The following SHISA9 variants were observed in gnomAD, a reference collection of about 807,000 sequenced individuals.
The protein encoded by SHISA9 is protein shisa-9.
A neutral mutation model predicts 38.0 loss-of-function variants in SHISA9; 13 were observed. The ratio of observed to expected loss-of-function variants is 0.34; its 90% CI spans 0.22 to 0.54. The LOEUF (loss-of-function observed/expected upper bound fraction) is 0.54, where lower values mean the gene tolerates loss of function less well. SHISA9 is among the 20% of genes least tolerant of loss of function. The pLI is 0.91. For missense variants in SHISA9, 538 were observed against 575.8 expected (o/e 0.93, Z 0.67); for synonymous variants, 275 against 242.0 (o/e 1.14, Z -1.27).
At chr16:13,372,652 T>C in the SHISA9 span, among the ~76,000 whole-genome samples, 1 of 152,336 alleles carries the variant, frequency 6.6e-6, no homozygotes, top group African/African-American at 2.4e-5. Flanking sequence ...CAGTATTCAC[T>C]AAGTATTTCC....
the SHISA9 span, among the ~76,000 whole-genome samples, chr16:13,463,246 A>AC: frequency 4.6e-5 from 7 of 152,170 alleles, no homozygotes; most frequent in Non-Finnish European, 8.8e-5. Flanking sequence ...GCATGGCATG[A>AC]CCCGTGAGGA....
At chr16:13,434,262 G>T in the SHISA9 span, among the ~76,000 whole-genome samples, 1 of 152,154 alleles carries the variant, frequency 6.6e-6, no homozygotes, top group Non-Finnish European at 1.5e-5. Context: ...TGTCCACCCA[G>T]ATTGAGGGTA....
chr16:12,970,326 C>CATATAT (rs61455008), intron 2 of SHISA9, among the ~76,000 whole-genome samples: 1 of 73,608 alleles, frequency 1.4e-5, no homozygotes, highest in Admixed American at 1.8e-4. Flanking sequence ...GGTATATATA[C>CATATAT]ATATATATAT....
chr16:12,975,398 G>T (rs1361907071), intron 2 of SHISA9, among the ~76,000 whole-genome samples: 2 of 152,058 alleles, frequency 1.3e-5, no homozygotes, highest in Non-Finnish European at 2.9e-5. Context: ...CAGCTACTCA[G>T]GAGGCTAAGG....
At chr16:13,405,081 A>G in the SHISA9 span, among the ~76,000 whole-genome samples, 1 of 152,226 alleles carries the variant, frequency 6.6e-6, no homozygotes, top group Non-Finnish European at 1.5e-5. Context: ...GAAGACACAC[A>G]TTGGGCAAAG....
the SHISA9 span, among the ~76,000 whole-genome samples, chr16:13,365,393 G>A: frequency 3.8e-4 from 57 of 151,488 alleles, no homozygotes; most frequent in Admixed American, 1.8e-3. Context: ...TGTGTGCCAG[G>A]CATCATGCTA....
intron 4 of SHISA9, among the ~76,000 whole-genome samples, chr16:13,221,090 A>G (rs2051220015): frequency 6.6e-6 from 1 of 151,980 alleles, no homozygotes; most frequent in African/African-American, 2.4e-5. Flanking sequence ...GTTAAGACTA[A>G]AAAAGGGCCA....
chr16:13,459,928 C>T, the SHISA9 span, among the ~76,000 whole-genome samples: 5 of 151,976 alleles, frequency 3.3e-5, no homozygotes, highest in Admixed American at 2.6e-4. Context: ...ATTTTTTTAA[C>T]AGGGACACTC....
At chr16:13,465,067 C>G in the SHISA9 span, among the ~76,000 whole-genome samples, 1 of 152,122 alleles carries the variant, frequency 6.6e-6, no homozygotes, top group African/African-American at 2.4e-5. Context: ...GGCTTCTATA[C>G]CTCAGTCTTA....
chr16:12,988,274 C>T (rs979218374), intron 2 of SHISA9, among the ~76,000 whole-genome samples: 3 of 152,166 alleles, frequency 2.0e-5, no homozygotes, highest in Non-Finnish European at 2.9e-5. Context: ...CACGTCAATA[C>T]GCTTGACTTG....
chr16:13,172,851 C>T (rs748922269), intron 2 of SHISA9, among the ~76,000 whole-genome samples: 4 of 147,214 alleles, frequency 2.7e-5, no homozygotes, highest in Non-Finnish European at 3.0e-5. Context: ...TATTTTGAAA[C>T]GCCGAATAAT....
At chr16:13,105,860 A>G (rs2073921274) in intron 2 of SHISA9, among the ~76,000 whole-genome samples, 2 of 152,158 alleles carry the variant, frequency 1.3e-5, no homozygotes, top group Non-Finnish European at 2.9e-5. Flanking sequence ...AGCATGTTGA[A>G]GTTGAGAGCG....
chr16:13,077,943 A>T (rs2073602415), intron 2 of SHISA9, among the ~76,000 whole-genome samples: 1 of 152,188 alleles, frequency 6.6e-6, no homozygotes, highest in Admixed American at 6.5e-5. Context: ...TGATGAAAAA[A>T]ATATGGCAAA....
In SHISA9 at chr16:13,168,631, T is replaced by C. The variant is rs58161537; in HGVS notation, c.692-34763T>C. The stretch of plus-strand genomic sequence containing the variant: ...TTGTGAACTACTGCCTAGAGAAAGC[T>C]GGCCAGAAAGCAGTGAGAGCTTAGG... On this transcript the variant is annotated intron_variant, in intron 2 of 4. Coordinates refer to ENST00000558583, the MANE Select transcript of SHISA9 (RefSeq NM_001145204.3). 2.8e-3 allele frequency among the ~76,000 whole-genome samples: 432 copies of C among 152,342 alleles called. 2 individuals are homozygous for C. The highest frequency in any genetic ancestry group is 9.7e-3 in the African/African-American group (403 of 41,582).
the SHISA9 span, chr16:13,474,345 G>T: frequency 6.6e-6 from 1 of 152,122 alleles, no homozygotes; most frequent in Non-Finnish European, 1.5e-5. Context: ...CTTCAAGGTG[G>T]GAACTTTTTA....
Position 13,051,777 on chromosome 16 carries a change from T to TG in SHISA9, c.691+134962_691+134963insG, listed in dbSNP as rs543046472. On this transcript the variant is annotated intron_variant, in intron 2 of 4. Coordinates refer to ENST00000558583, the MANE Select transcript of SHISA9 (RefSeq NM_001145204.3). ...AGTTTTTATAAAATTTACATTTTTT[T>TG]TTTTTTGAGATTGAGTCTTGCTCTA... is the stretch of plus-strand genomic sequence containing the variant. 2.2e-3 allele frequency among the ~76,000 whole-genome samples: 329 copies of TG among 151,848 alleles called. 1 individual carries two copies. The highest frequency in any genetic ancestry group is 7.3e-3 in the African/African-American group (304 of 41,442).
intron 1 of SHISA9, among the ~76,000 whole-genome samples, chr16:12,904,003 G>C (rs1034887488): frequency 6.6e-6 from 1 of 152,056 alleles, no homozygotes; most frequent in Non-Finnish European, 1.5e-5. Context: ...TTCTCGGTTT[G>C]GGTCAGCAGG....
intron 2 of SHISA9, among the ~76,000 whole-genome samples, chr16:12,997,924 C>G (rs1211212794): frequency 1.3e-5 from 2 of 152,110 alleles, no homozygotes; most frequent in Non-Finnish European, 2.9e-5. Flanking sequence ...TTAAACGGTG[C>G]CTTCTCGTCC....
the SHISA9 span, among the ~76,000 whole-genome samples, chr16:13,560,754 GAA>G: frequency 2.6e-3 from 346 of 133,148 alleles, 2 homozygotes; most frequent in Admixed American, 6.1e-3. Flanking sequence ...ACTAAATTAG[GAA>G]AAAAAAAAAA....
Sources: allele counts gnomAD v4.1 joint callset (sites outside exome capture counted in the v4.1 genomes callset), GRCh38; gene constraint gnomAD v4.1.1; transcripts MANE v1.5; gene names NCBI Gene and HGNC (gene_info 2026-07-23, HGNC 2026-07-21).